NCAPH2: variants seen among roughly 807,000 people sequenced by gnomAD.
NCAPH2 encodes condensin-2 complex subunit H2.
A neutral mutation model predicts 88.6 loss-of-function variants in NCAPH2; 56 were observed. The ratio of observed to expected loss-of-function variants is 0.63; its 90% CI spans 0.51 to 0.79. The LOEUF is 0.79. Ranked by LOEUF, NCAPH2 falls within the 30% of genes least tolerant of loss-of-function variation. The probability of loss-of-function intolerance (pLI) is 0.00; values close to 1 mark genes in which losing one functional copy is unlikely to be tolerated. For synonymous variants in NCAPH2, 378 were observed against 313.6 expected, an observed-to-expected ratio of 1.21 and a Z score of -2.17; for missense variants, 794 against 792.0, an observed-to-expected ratio of 1.00 and a Z score of -0.03.
chr22:50,522,960 C>T lies in NCAPH2; in HGVS notation c.1527+38C>T, dbSNP rs375289231. 35 of 1,611,808 alleles carry T rather than the reference C, an allele frequency of 2.2e-5. No individual in the cohort carries two copies. In the African/African-American group the frequency reaches 2.7e-4, roughly 12 times the overall value. ...CGCTGGGAACCAGAGCTGTGTGCCA[C>T]GGGTCTGTCCAGGGCCTTGCCTCTC... On this transcript the variant is annotated intron_variant, in intron 18 of 19. Transcript: ENST00000420993.
intron 1 of NCAPH2, among the ~76,000 whole-genome samples, chr22:50,513,209 G>T (rs1312930620): frequency 1.3e-5 from 2 of 152,244 alleles, no homozygotes; most frequent in Non-Finnish European, 2.9e-5. Flanking sequence ...CCACCCCTGC[G>T]TGTGACTTTG....
chr22:50,509,900 C>T (rs2068739052), intron 1 of NCAPH2, among the ~76,000 whole-genome samples: 1 of 151,786 alleles, frequency 6.6e-6, no homozygotes, highest in South Asian at 2.1e-4. Flanking sequence ...CTTTCTGCCC[C>T]CACTTGGGAA....
Position 50,524,302 on chromosome 22 carries a change from A to G in NCAPH2, c.*927A>G. 1.2e-6 allele frequency: 2 copies of G among 1,602,708 alleles called. No individual in the cohort carries two copies. Among genetic ancestry groups the G allele is most frequent in the Non-Finnish European group, 1.7e-6 (2 of 1,179,864 alleles). Reference sequence around the variant, plus strand: ...CTCTGCAGGGCCCTGCCTTGACAAAAGCCAGGACCTCAGATGCAGGGCCTG... The same window carrying G: ...CTCTGCAGGGCCCTGCCTTGACAAAGGCCAGGACCTCAGATGCAGGGCCTG... On this transcript the variant is annotated 3_prime_UTR_variant, in exon 20 of 20. Transcript: ENST00000420993.
At chr22:50,516,704 A>G (rs974587171) in intron 2 of NCAPH2, among the ~76,000 whole-genome samples, 156 bp downstream of exon 2, 1 of 152,138 alleles carries the variant, frequency 6.6e-6, no homozygotes. Context: ...CAACACCAAG[A>G]ACAATTTTTA....
chr22:50,524,539 T>C lies in NCAPH2; in HGVS notation c.*1164T>C, dbSNP rs1603441691. On this transcript the variant is annotated 3_prime_UTR_variant, in exon 20 of 20. Coordinates refer to ENST00000420993, the MANE Select transcript of NCAPH2 (RefSeq NM_152299.4). ...TGAAGGACCCAGCCCACGTTCAGGC[T>C]TAACAGGCATTTGCAGCTGCTCACC... 3.2e-6 allele frequency: 3 copies of C among 927,232 alleles called. No homozygotes were observed. The highest frequency in any genetic ancestry group is 1.6e-5 in the African/African-American group (1 of 60,950). 57.4% of individuals were successfully genotyped at this position (927,232 alleles called of 1,614,324 possible).
At position 50,520,972 on chromosome 22, in the gene NCAPH2, C is replaced by T. The variant is rs1225300341; in HGVS notation, c.869C>T (p.Ala290Val). Residue 290 changes from alanine (A) to valine (V), a missense_variant, in exon 10 of 20, where the codon GCC becomes GTC. Transcript: ENST00000420993. ...KESRSPQQSAALPRRYMLRER... is the reference protein window; with the variant it reads ...KESRSPQQSAVLPRRYMLRER... The stretch of plus-strand genomic sequence containing the variant: ...CTGTGACTGTCTTTGCAGAGTGCTG[C>T]CCTGCCCAGGAGGTACATGCTGCGG... The T allele has an allele frequency of 1.3e-6, 2 of 1,551,050 alleles. No homozygotes were observed. Among genetic ancestry groups the T allele is most frequent in the Admixed American group, 2.0e-5 (1 of 50,992 alleles).
In NCAPH2 at chr22:50,518,240, A is replaced by C. The variant is rs2068984670; in HGVS notation, c.608A>C (p.Glu203Ala). 6.2e-7 allele frequency: 1 copy of C among 1,613,804 alleles called. No individual in the cohort carries two copies. The highest frequency in any genetic ancestry group is 1.7e-5 in the Admixed American group (1 of 60,026). The change falls in exon 7 of 20, where the codon GAA becomes GCA. Residue 203 changes from glutamate to alanine, a missense_variant. Transcript: ENST00000420993. ...GAGCCAGAGGGCATGTCCCCCATGGAACCAGCGGGCGTTTCCCCCATGCCA... is the reference window on the plus strand; with the variant it reads ...GAGCCAGAGGGCATGTCCCCCATGGCACCAGCGGGCGTTTCCCCCATGCCA... ...MLEPEGMSPM[E>A]PAGVSPMPGT...
intron 5 of NCAPH2, 27 bp downstream of exon 5, chr22:50,517,836 G>A (rs755793195): frequency 1.2e-6 from 2 of 1,612,424 alleles, no homozygotes; most frequent in Admixed American, 3.3e-5. Context: ...CCCCTCTTAG[G>A]CTGGGGTGAG....
intron 11 of NCAPH2, 42 bp downstream of exon 11, chr22:50,521,651 G>T: frequency 6.2e-7 from 1 of 1,612,222 alleles, no homozygotes; most frequent in Non-Finnish European, 8.5e-7. Flanking sequence ...ACCCCTGGCT[G>T]GGTTTCCTGG....
rs367983731 is a variant in NCAPH2, at chr22:50,522,183, A to T, written c.1165A>T (p.Met389Leu). 99 of 1,613,242 alleles carry T rather than the reference A, an allele frequency of 6.1e-5. No homozygotes were observed. Among genetic ancestry groups the T allele is most frequent in the Non-Finnish European group, 8.0e-5 (94 of 1,179,622 alleles). Residue 389 changes from methionine (M) to leucine (L), a missense_variant and splice_region_variant, in exon 14 of 20, where the codon ATG becomes TTG. Coordinates refer to ENST00000420993, the MANE Select transcript of NCAPH2 (RefSeq NM_152299.4). ...LRRKGPSFADMEVLYWTHVKE... is the reference protein window; with the variant it reads ...LRRKGPSFADLEVLYWTHVKE... ...CCTCACAAGGCCTTTGTCTGCAGACATGGAGGTCCTGTACTGGACACACGT... is the reference window on the plus strand; with the variant it reads ...CCTCACAAGGCCTTTGTCTGCAGACTTGGAGGTCCTGTACTGGACACACGT...
At position 50,523,507 on chromosome 22, in the gene NCAPH2, G is replaced by A. The variant is rs539089690; in HGVS notation, c.*132G>A. 1.2e-4 allele frequency: 186 copies of A among 1,545,310 alleles called. 1 individual carries two copies. In the African/African-American group the frequency reaches 1.9e-3, roughly 16 times the overall value. On this transcript the variant is annotated 3_prime_UTR_variant, in exon 20 of 20. Transcript: ENST00000420993. Reference sequence around the variant, plus strand: ...TAAAAACCCTTTTATGTACACCTGCGCAGAGAAGAGGGCTGCCTGGCCTCC... The same window carrying A: ...TAAAAACCCTTTTATGTACACCTGCACAGAGAAGAGGGCTGCCTGGCCTCC...
chr22:50,520,921 G>C (rs762920843), intron 9 of NCAPH2, 44 bp from the exon 10 acceptor site: 12 of 1,547,462 alleles, frequency 7.8e-6, no homozygotes, highest in Non-Finnish European at 3.5e-6. Flanking sequence ...AGAGCCTTGA[G>C]GGGAGAAAGA....
Position 50,523,635 on chromosome 22 carries a change from C to G in NCAPH2, c.*260C>G, listed in dbSNP as rs375632322. On this transcript the variant is annotated 3_prime_UTR_variant, in exon 20 of 20. Coordinates refer to ENST00000420993, the MANE Select transcript of NCAPH2 (RefSeq NM_152299.4). The stretch of plus-strand genomic sequence containing the variant: ...CTCAAGACAGGACACTGCGGAAAGC[C>G]GCCATGTGCCGCCGCACACTGTCTG... 6.2e-7 allele frequency: 1 copy of G among 1,613,732 alleles called. No homozygotes were observed. The highest frequency in any genetic ancestry group is 8.5e-7 in the Non-Finnish European group (1 of 1,180,038).
chr22:50,509,343 C>T (rs549394050), intron 1 of NCAPH2, among the ~76,000 whole-genome samples: 8 of 152,212 alleles, frequency 5.3e-5, no homozygotes, highest in South Asian at 2.1e-4. Context: ...GTGGGTGTCA[C>T]GCAAACATCT....
rs752455267 is a variant in NCAPH2, at chr22:50,524,614, C to A, written c.*1239C>A. 5.6e-6 allele frequency: 4 copies of A among 711,998 alleles called. No homozygotes were observed. Among genetic ancestry groups the A allele is most frequent in the African/African-American group, 1.7e-5 (1 of 57,154 alleles). The allele number at this position is 711,998 out of a possible 1,614,324, so 44.1% of individuals were successfully genotyped here. A position where few individuals can be genotyped will look rare whatever the true frequency, so the allele number is the denominator to read the frequency against. On this transcript the variant is annotated 3_prime_UTR_variant, in exon 20 of 20. Transcript: ENST00000420993. ...AAACATCCACACCTGGGCAACCACA[C>A]CTGTCACTCCTGTCCTCTACCTGGG... is the stretch of plus-strand genomic sequence containing the variant.
Position 50,517,819 on chromosome 22 carries a change from G to C in NCAPH2, c.420+10G>C. ...TGATCAGACGCCCAGTGTGAGTCCT[G>C]GCCTGGCCCCTCTTAGGCTGGGGTG... On this transcript the variant is annotated intron_variant, in intron 5 of 19. Coordinates refer to ENST00000420993, the MANE Select transcript of NCAPH2 (RefSeq NM_152299.4). The C allele has an allele frequency of 6.2e-7, 1 of 1,613,658 alleles. No individual in the cohort carries two copies. Among genetic ancestry groups the C allele is most frequent in the Non-Finnish European group, 8.5e-7 (1 of 1,179,926 alleles).
chr22:50,515,198 T>TG lies in NCAPH2; in HGVS notation c.109-1244dup, dbSNP rs201210745. Among the ~76,000 whole-genome samples, 1,123 of 152,188 alleles carry TG rather than the reference T, an allele frequency of 7.4e-3. 7 individuals carry two copies. The highest frequency in any genetic ancestry group is 0.016 in the South Asian group (76 of 4,814). ...GAAAAAGAGTTTGCGTGGGGACAGCTGGGGGTCGGTGTTCCAGGCAGATGG... is the reference window on the plus strand; with the variant it reads ...GAAAAAGAGTTTGCGTGGGGACAGCTGGGGGGTCGGTGTTCCAGGCAGATGG... On this transcript the variant is annotated intron_variant, in intron 1 of 19. Coordinates refer to ENST00000420993, the MANE Select transcript of NCAPH2 (RefSeq NM_152299.4).
chr22:50,510,270 GA>G (rs911112973), intron 1 of NCAPH2, among the ~76,000 whole-genome samples: 6 of 149,104 alleles, frequency 4.0e-5, no homozygotes, highest in East Asian at 3.9e-4. Context: ...AGGAAAAGGA[GA>G]AAAAAAAAAT....
chr22:50,521,391 G>T, intron 10 of NCAPH2, 152 bp from the exon 11 acceptor site: 2 of 799,150 alleles, frequency 2.5e-6, no homozygotes, highest in Non-Finnish European at 2.1e-6. Context: ...CCTTTGGGAG[G>T]GTGGCTGTGC....
Sources: gnomAD v4.1 joint callset for allele counts (sites outside exome capture counted in the v4.1 genomes callset) on GRCh38, gnomAD v4.1.1 for gene constraint, MANE v1.5 for transcripts, NCBI Gene and HGNC (gene_info 2026-07-23, HGNC 2026-07-21) for gene names.